The following CNTN5 variants were observed in gnomAD, a reference collection of about 807,000 sequenced individuals.
CNTN5 encodes contactin 5.
CNTN5 carries 77 observed loss-of-function variants against 129.1 expected under a neutral mutation model. The ratio of observed to expected loss-of-function variants is 0.60; its 90% CI spans 0.50 to 0.72. The LOEUF is 0.72. CNTN5 is among the 30% of genes least tolerant of loss of function. The pLI is 0.00. For synonymous variants in CNTN5, 509 were observed against 465.6 expected, an observed-to-expected ratio of 1.09 and a Z score of -1.20; for missense variants, 1,478 against 1,328.8, an observed-to-expected ratio of 1.11 and a Z score of -1.75.
intron 3 of CNTN5, among the ~76,000 whole-genome samples, chr11:99,672,820 A>C (rs1953105495): frequency 3.3e-5 from 5 of 151,962 alleles, no homozygotes; most frequent in Admixed American, 3.3e-4. Flanking sequence ...TTTCTTGGCT[A>C]TGGGGAGGAG....
At chr11:99,815,558 T>A (rs1565562458) in intron 3 of CNTN5, among the ~76,000 whole-genome samples, 1 of 152,088 alleles carries the variant, frequency 6.6e-6, no homozygotes, top group Non-Finnish European at 1.5e-5. Context: ...AGAATGGAAA[T>A]GGTAATGCAG....
intron 8 of CNTN5, among the ~76,000 whole-genome samples, chr11:99,997,216 GT>G (rs909052092): frequency 3.3e-5 from 5 of 152,096 alleles, no homozygotes; most frequent in African/African-American, 9.6e-5. Context: ...TTTTTGAAGG[GT>G]TTTTTTGGTC....
At chr11:99,643,095 T>C (rs1234418427) in intron 3 of CNTN5, among the ~76,000 whole-genome samples, 1 of 152,200 alleles carries the variant, frequency 6.6e-6, no homozygotes, top group East Asian at 1.9e-4. Flanking sequence ...ACTGATTTTA[T>C]TTCCTTTGGA....
chr11:100,222,488 A>G (rs894012777), intron 15 of CNTN5, among the ~76,000 whole-genome samples: 2 of 152,154 alleles, frequency 1.3e-5, no homozygotes, highest in Non-Finnish European at 2.9e-5. Context: ...TAAATAAATT[A>G]TTTGGGAAGA....
At chr11:99,962,452 C>G in intron 8 of CNTN5, among the ~76,000 whole-genome samples, 1 of 152,036 alleles carries the variant, frequency 6.6e-6, no homozygotes, top group East Asian at 1.9e-4. Context: ...ATGATGGTTT[C>G]CAGCTTCATT....
At chr11:100,015,147 G>T (rs1397136175) in intron 9 of CNTN5, among the ~76,000 whole-genome samples, 1 of 151,986 alleles carries the variant, frequency 6.6e-6, no homozygotes, top group Non-Finnish European at 1.5e-5. Flanking sequence ...GTACTCAAGG[G>T]GAAGCACGAA....
chr11:100,288,436 G>C (rs1950856641), intron 18 of CNTN5, among the ~76,000 whole-genome samples: 1 of 152,124 alleles, frequency 6.6e-6, no homozygotes, highest in Non-Finnish European at 1.5e-5. Context: ...AATCAAACTA[G>C]AACTCAGGAT....
chr11:100,253,991 A>ATTCTGGC (rs1364744378), intron 16 of CNTN5, among the ~76,000 whole-genome samples: 1 of 152,032 alleles, frequency 6.6e-6, no homozygotes, highest in Non-Finnish European at 1.5e-5. Context: ...TGTCAGCCCC[A>ATTCTGGC]TTCTGGCTTC....
At chr11:100,049,764 C>A (rs10750466) in intron 9 of CNTN5, among the ~76,000 whole-genome samples, 123,642 of 152,002 alleles carry the variant, frequency 0.81, 51,047 homozygotes, top group East Asian at 1. Context: ...CAATGAACTC[C>A]AACAAATTTA....
chr11:99,569,232 G>C (rs1949100827), intron 3 of CNTN5, among the ~76,000 whole-genome samples: 1 of 152,068 alleles, frequency 6.6e-6, no homozygotes, highest in East Asian at 1.9e-4. Flanking sequence ...TCTATTTGCT[G>C]TTTCATATAC....
chr11:99,033,677 A>G (rs893082595), intron 1 of CNTN5, among the ~76,000 whole-genome samples: 3 of 151,336 alleles, frequency 2.0e-5, no homozygotes, highest in Non-Finnish European at 3.0e-5. Flanking sequence ...GGCTGAGACA[A>G]TGGGGTTTTC....
At chr11:100,324,525 A>G (rs1420976627) in intron 21 of CNTN5, among the ~76,000 whole-genome samples, 4 of 152,172 alleles carry the variant, frequency 2.6e-5, no homozygotes, top group Non-Finnish European at 5.9e-5. Flanking sequence ...TCATCTCACA[A>G]AACATATTCA....
chr11:99,355,382 C>T (rs544740069), intron 2 of CNTN5, among the ~76,000 whole-genome samples: 1 of 151,818 alleles, frequency 6.6e-6, no homozygotes, highest in Non-Finnish European at 1.5e-5. Flanking sequence ...TAAAATGGAC[C>T]CTGTGCTCTA....
chr11:100,124,214 A>C (rs1038931787), intron 13 of CNTN5, among the ~76,000 whole-genome samples: 7 of 152,082 alleles, frequency 4.6e-5, no homozygotes, highest in African/African-American at 1.7e-4. Flanking sequence ...GTAAGCAACA[A>C]AGACAGAATA....
chr11:99,428,579 GA>G (rs897496527), intron 2 of CNTN5, among the ~76,000 whole-genome samples: 2 of 145,376 alleles, frequency 1.4e-5, no homozygotes, highest in Non-Finnish European at 1.5e-5. Context: ...AAAAAAAAAG[GA>G]AAAAAAAGAT....
chr11:99,175,748 A>G (rs577795899), intron 1 of CNTN5, among the ~76,000 whole-genome samples: 1 of 152,088 alleles, frequency 6.6e-6, no homozygotes, highest in South Asian at 2.1e-4. Flanking sequence ...GTCAGATGTA[A>G]TTTTGGCATG....
intron 1 of CNTN5, among the ~76,000 whole-genome samples, chr11:99,306,088 T>C (rs1352604444): frequency 6.6e-6 from 1 of 152,190 alleles, no homozygotes; most frequent in Non-Finnish European, 1.5e-5. Flanking sequence ...AATGTTGAAA[T>C]TTTATCCAAA....
chr11:100,005,581 CTTTA>C (rs1365419205), intron 9 of CNTN5, among the ~76,000 whole-genome samples: 2 of 152,086 alleles, frequency 1.3e-5, no homozygotes, highest in Non-Finnish European at 2.9e-5. Context: ...ATAACTGAAA[CTTTA>C]TTTTTATTTT....
At chr11:99,286,684 T>A (rs1863953195) in intron 1 of CNTN5, among the ~76,000 whole-genome samples, 1 of 152,164 alleles carries the variant, frequency 6.6e-6, no homozygotes. Flanking sequence ...CTTTCTTGTT[T>A]CCTGGAGCTA....
Sources: allele counts gnomAD v4.1 joint callset (sites outside exome capture counted in the v4.1 genomes callset), GRCh38; gene constraint gnomAD v4.1.1; transcripts MANE v1.5; gene names NCBI Gene and HGNC (gene_info 2026-07-23, HGNC 2026-07-21).